The following VASH2 variants were observed in gnomAD, a reference collection of about 807,000 sequenced individuals.
The protein encoded by VASH2 is tubulinyl-Tyr carboxypeptidase 2.
In VASH2, 28 loss-of-function variants were observed where a neutral mutation model predicts 37.2. The observed-to-expected ratio is 0.75, with a 90% CI of 0.56 to 1.03. VASH2 has a LOEUF of 1.03. VASH2 is among the 50% of genes least tolerant of loss of function. The probability of loss-of-function intolerance (pLI) is 0.00; values close to 1 mark genes in which losing one functional copy is unlikely to be tolerated. For synonymous variants in VASH2, 188 were observed against 174.7 expected (o/e 1.08, Z -0.60); for missense variants, 419 against 459.1 (o/e 0.91, Z 0.80).
chr1:212,972,701 T>A lies in VASH2; in HGVS notation c.619T>A (p.Leu207Met). 2 of 1,614,236 alleles carry A rather than the reference T, an allele frequency of 1.2e-6. No individual in the cohort carries two copies. Among genetic ancestry groups the A allele is most frequent in the Non-Finnish European group, 1.7e-6 (2 of 1,180,046 alleles). The change falls in exon 6 of 8, where the codon TTG (leucine) becomes ATG (methionine). Residue 207 changes from leucine (L) to methionine (M), a missense_variant. Around this residue, in one of 3 missense-constraint regions of VASH2, gnomAD observed 84 missense variants for 129.9 expected, o/e 0.65. Coordinates refer to ENST00000517399, the MANE Select transcript of VASH2 (RefSeq NM_001301056.2). Reference sequence around the variant, plus strand: ...TTACTGCAATGGCCGCTATGGCTCATTGGGCATGAGCCGCAGGGCTGAGCT... The same window carrying A: ...TTACTGCAATGGCCGCTATGGCTCAATGGGCATGAGCCGCAGGGCTGAGCT... ...GIYCNGRYGS[L>M]GMSRRAELMD... is the part of the protein sequence containing the mutation.
chr1:212,981,807 T>A (rs1232077949), intron 7 of VASH2, among the ~76,000 whole-genome samples: 1 of 152,188 alleles, frequency 6.6e-6, no homozygotes, highest in African/African-American at 2.4e-5. Flanking sequence ...TCGTCCTGTT[T>A]CTTTTCTTAA....
intron 6 of VASH2, chr1:212,973,464 C>A (rs1279677829): frequency 7.7e-7 from 1 of 1,290,896 alleles, no homozygotes; most frequent in South Asian, 1.2e-5. Context: ...ATGCTGACTT[C>A]AGGCCTGGCT....
intron 2 of VASH2, among the ~76,000 whole-genome samples, chr1:212,959,071 C>G (rs1421866377): frequency 6.6e-6 from 1 of 152,184 alleles, no homozygotes; most frequent in Non-Finnish European, 1.5e-5. Flanking sequence ...CTCTCTGCCT[C>G]TGCTCCTGGG....
In VASH2 at chr1:212,989,155, C is replaced by T. The variant is rs1365966612; in HGVS notation, c.*571C>T. On this transcript the variant is annotated 3_prime_UTR_variant, in exon 8 of 8. Coordinates refer to ENST00000517399, the MANE Select transcript of VASH2 (RefSeq NM_001301056.2). ...ACAAGTTTGGAGTTTTTTCCTGGTG[C>T]ACACACGTGAGGAGATTTAAGGTAC... 1.9e-5 allele frequency: 3 copies of T among 155,446 alleles called. No individual in the cohort carries two copies. The highest frequency in any genetic ancestry group is 1.3e-4 in the Admixed American group (2 of 15,926). 9.6% of individuals were successfully genotyped at this position (155,446 alleles called of 1,614,324 possible). A position where few individuals can be genotyped will look rare whatever the true frequency, so the allele number is the denominator to read the frequency against.
At chr1:212,970,954 G>C (rs1183225629) in intron 5 of VASH2, among the ~76,000 whole-genome samples, 1 of 150,804 alleles carries the variant, frequency 6.6e-6, no homozygotes. Context: ...CCGTTAAAAA[G>C]TACTCCCCAT....
rs1667102642 is a variant in VASH2 at position 212,974,050 on chromosome 1, G to A, written c.975G>A (p.Arg325=). ...GGAGACAGGCAAGCCCCCCGAGGAG[G>A]CTCGGCCGGCGAGAGAAGTCGTGAG... ...PRRRQASPPR[R]LGRREKSPAL... The change falls in exon 7 of 8, where the codon AGG becomes AGA. Residue 325 remains arginine (R), a synonymous_variant. Coordinates refer to ENST00000517399, the MANE Select transcript of VASH2 (RefSeq NM_001301056.2). 6.2e-7 allele frequency: 1 copy of A among 1,612,968 alleles called. No homozygotes were observed. Among genetic ancestry groups the A allele is most frequent in the Non-Finnish European group, 8.5e-7 (1 of 1,179,424 alleles).
intron 7 of VASH2, among the ~76,000 whole-genome samples, chr1:212,979,189 G>A (rs1206819172): frequency 1.3e-5 from 2 of 152,218 alleles, no homozygotes; most frequent in Non-Finnish European, 1.5e-5. Flanking sequence ...AGGTATGTTT[G>A]GAGAGAAGCA....
chr1:212,987,315 C>A (rs1209347202), intron 7 of VASH2, among the ~76,000 whole-genome samples: 1 of 151,394 alleles, frequency 6.6e-6, no homozygotes, highest in Admixed American at 6.6e-5. Flanking sequence ...GTGGCTCACA[C>A]CTGTAATCCC....
Position 212,968,511 on chromosome 1 carries a change from C to T in VASH2, c.497+2166C>T, listed in dbSNP as rs1347488677. 3 of 985,428 alleles carry T rather than the reference C, an allele frequency of 3.0e-6. No homozygotes were observed. The East Asian group carries it at 3.4e-4, about 112-fold the overall frequency. 61.0% of individuals were successfully genotyped at this position (985,428 alleles called of 1,614,324 possible). On this transcript the variant is annotated intron_variant, in intron 5 of 7. Coordinates refer to ENST00000517399, the MANE Select transcript of VASH2 (RefSeq NM_001301056.2). ...TGCAGTCTGTGGAACACTTGCAGCC[C>T]TGATCTGAAACCAGATTGACCACAG...
chr1:212,968,460 T>C (rs1317223134), intron 5 of VASH2: 19 of 985,304 alleles, frequency 1.9e-5, no homozygotes, highest in Non-Finnish European at 2.3e-5. Context: ...GACATCTTTG[T>C]GGGAAGGAGA....
intron 5 of VASH2, 24 bp downstream of exon 5, chr1:212,966,369 T>A: frequency 6.5e-7 from 1 of 1,546,240 alleles, no homozygotes; most frequent in Non-Finnish European, 8.8e-7. Flanking sequence ...TATGTATGCT[T>A]AGTTTACTCC....
chr1:212,956,230 G>A (rs1666484978), intron 2 of VASH2, among the ~76,000 whole-genome samples: 2 of 152,198 alleles, frequency 1.3e-5, no homozygotes, highest in Admixed American at 6.5e-5. Flanking sequence ...CAAGAACAGA[G>A]TGGAAGAGAG....
chr1:212,966,244 G>A (rs1215223548), intron 4 of VASH2, 27 bp from the exon 5 acceptor site: 1 of 1,546,548 alleles, frequency 6.5e-7, no homozygotes, highest in Admixed American at 2.0e-5. Flanking sequence ...TAGGTTCTGA[G>A]ATCCTCTGCT....
chr1:212,979,293 C>T (rs1039541561), intron 7 of VASH2, among the ~76,000 whole-genome samples: 3 of 152,200 alleles, frequency 2.0e-5, no homozygotes, highest in Non-Finnish European at 4.4e-5. Flanking sequence ...CAAATATGGT[C>T]TTGACCCAAT....
At chr1:212,979,404 G>T (rs1344394828) in intron 7 of VASH2, among the ~76,000 whole-genome samples, 1 of 152,192 alleles carries the variant, frequency 6.6e-6, no homozygotes, top group South Asian at 2.1e-4. Context: ...AGGCCATCGC[G>T]TCATTTCTAA....
Position 212,951,938 on chromosome 1 carries a change from C to T in VASH2, c.276+120C>T, listed in dbSNP as rs548080377. 9 of 1,182,922 alleles carry T rather than the reference C, an allele frequency of 7.6e-6. No homozygotes were observed. The highest frequency in any genetic ancestry group is 7.6e-5 in the African/African-American group (5 of 65,814). 73.3% of individuals were successfully genotyped at this position (1,182,922 alleles called of 1,614,324 possible). On this transcript the variant is annotated intron_variant, in intron 2 of 7. Transcript: ENST00000517399. This position sits in a 1 kb window ranked among gnomAD's most constrained non-coding sequence, Gnocchi z 4.4. ...ATTTTCCTAGTCCTGCTACAAACTCCCTTCCTCTCCCCATTCCTTCCTGCC... is the reference window on the plus strand; with the variant it reads ...ATTTTCCTAGTCCTGCTACAAACTCTCTTCCTCTCCCCATTCCTTCCTGCC...
intron 7 of VASH2, among the ~76,000 whole-genome samples, chr1:212,986,363 C>A (rs924066631): frequency 2.0e-5 from 3 of 152,172 alleles, no homozygotes; most frequent in Non-Finnish European, 4.4e-5. Context: ...GGGGAGTCTA[C>A]TTGAGAAAGT....
At chr1:212,970,559 C>G (rs1666981607) in intron 5 of VASH2, among the ~76,000 whole-genome samples, 1 of 151,630 alleles carries the variant, frequency 6.6e-6, no homozygotes, top group African/African-American at 2.4e-5. Context: ...GTGCACAGTT[C>G]AGTGACATTA....
At chr1:212,972,100 A>C (rs943141216) in intron 5 of VASH2, among the ~76,000 whole-genome samples, 2 of 152,012 alleles carry the variant, frequency 1.3e-5, no homozygotes, top group Non-Finnish European at 2.9e-5. Context: ...TTTCATTGCC[A>C]CCTCCTTCTG....
Sources: allele counts gnomAD v4.1 joint callset (sites outside exome capture counted in the v4.1 genomes callset), GRCh38; gene constraint gnomAD v4.1.1; regional missense constraint gnomAD v4.1.1; non-coding constraint Gnocchi (gnomAD v3.1); transcripts MANE v1.5; gene names NCBI Gene and HGNC (gene_info 2026-07-23, HGNC 2026-07-21).